AGBL4: variants seen among roughly 807,000 people sequenced by gnomAD.
AGBL4 encodes the protein AGBL carboxypeptidase 4.
In AGBL4, 58 loss-of-function variants were observed where a neutral mutation model predicts 66.4. The ratio of observed to expected loss-of-function variants is 0.87; its 90% CI spans 0.71 to 1.09. AGBL4 has a LOEUF of 1.09. Among genes scored for constraint, AGBL4 ranks in the 50% least tolerant of loss-of-function variants. AGBL4 has a pLI of 0.00. For synonymous variants in AGBL4, 234 were observed against 222.9 expected (o/e 1.05, Z -0.44); for missense variants, 579 against 631.0 (o/e 0.92, Z 0.88).
intron 3 of AGBL4, among the ~76,000 whole-genome samples, chr1:49,560,659 T>C (rs1644016399): frequency 6.6e-6 from 1 of 152,030 alleles, no homozygotes; most frequent in Admixed American, 6.6e-5. Flanking sequence ...AATCAAACTA[T>C]TTAATAAACT....
At chr1:49,729,142 TTTTAAAGAGG>T in intron 2 of AGBL4, among the ~76,000 whole-genome samples, 1 of 152,216 alleles carries the variant, frequency 6.6e-6, no homozygotes. Flanking sequence ...AATCTTTGTC[TTTTAAAGAGG>T]TAGTTTTTCA....
At chr1:49,241,858 C>T (rs1651266736) in intron 4 of AGBL4, among the ~76,000 whole-genome samples, 1 of 152,000 alleles carries the variant, frequency 6.6e-6, no homozygotes, top group African/African-American at 2.4e-5. Context: ...CTTATAACAA[C>T]GCTGGGAGGA....
intron 3 of AGBL4, among the ~76,000 whole-genome samples, chr1:49,652,661 A>G (rs577056397): frequency 6.6e-6 from 1 of 152,274 alleles, no homozygotes; most frequent in East Asian, 1.9e-4. Flanking sequence ...TGCCAGCAAG[A>G]CTGGGCAATT....
At chr1:49,049,316 T>C (rs1353753172) in intron 4 of AGBL4, among the ~76,000 whole-genome samples, 2 of 152,150 alleles carry the variant, frequency 1.3e-5, no homozygotes, top group Admixed American at 6.6e-5. Flanking sequence ...AACAAATCAA[T>C]GTATAACTGA....
intron 3 of AGBL4, among the ~76,000 whole-genome samples, chr1:49,329,794 T>C (rs1448974008): frequency 6.6e-6 from 1 of 152,238 alleles, no homozygotes; most frequent in African/African-American, 2.4e-5. Context: ...TTTCTGAGTT[T>C]GTCATTAACC....
intron 11 of AGBL4, among the ~76,000 whole-genome samples, chr1:48,580,686 A>G (rs1644726457): frequency 6.6e-6 from 1 of 152,176 alleles, no homozygotes; most frequent in African/African-American, 2.4e-5. Flanking sequence ...CTATCTATCT[A>G]TCTATAAAGC....
chr1:48,692,427 G>T (rs1046823212), intron 6 of AGBL4, among the ~76,000 whole-genome samples: 6 of 152,180 alleles, frequency 3.9e-5, no homozygotes, highest in Non-Finnish European at 8.8e-5. Context: ...GAAAGGCTGT[G>T]CGCGCCTGTC....
At chr1:49,901,593 T>C (rs549518588) in intron 1 of AGBL4, among the ~76,000 whole-genome samples, 5 of 152,288 alleles carry the variant, frequency 3.3e-5, no homozygotes, top group African/African-American at 1.2e-4. Flanking sequence ...GGAATCAATA[T>C]GGTTAAAATG....
intron 3 of AGBL4, among the ~76,000 whole-genome samples, chr1:49,279,469 A>C (rs538704171): frequency 6.6e-6 from 1 of 152,312 alleles, no homozygotes; most frequent in East Asian, 1.9e-4. Context: ...TTTTGGAAAC[A>C]AACAGAGAAA....
intron 4 of AGBL4, among the ~76,000 whole-genome samples, chr1:49,086,215 G>C (rs1023777974): frequency 4.6e-5 from 7 of 152,106 alleles, no homozygotes; most frequent in Non-Finnish European, 1.5e-5. Context: ...AGTGGTCTGA[G>C]CCTCTCATTG....
intron 3 of AGBL4, among the ~76,000 whole-genome samples, chr1:49,677,998 C>G (rs531964886): frequency 6.6e-6 from 1 of 152,152 alleles, no homozygotes; most frequent in Admixed American, 6.6e-5. Flanking sequence ...GCACCTAAAG[C>G]TGACTTGGAT....
intron 3 of AGBL4, among the ~76,000 whole-genome samples, chr1:49,312,139 A>G (rs1436287473): frequency 6.6e-6 from 1 of 152,106 alleles, no homozygotes; most frequent in African/African-American, 2.4e-5. Context: ...TTAATCCCCA[A>G]TACCACAGTA....
At chr1:48,835,445 A>G (rs1160053261) in intron 6 of AGBL4, among the ~76,000 whole-genome samples, 1 of 152,152 alleles carries the variant, frequency 6.6e-6, no homozygotes, top group African/African-American at 2.4e-5. Flanking sequence ...ACACTCTGAG[A>G]TGAGTGCTAT....
intron 8 of AGBL4, among the ~76,000 whole-genome samples, chr1:48,645,590 T>C (rs1553200222): frequency 6.6e-6 from 1 of 152,168 alleles, no homozygotes; most frequent in African/African-American, 2.4e-5. Context: ...TCCTACTCCA[T>C]AAATTAATTA....
At chr1:49,748,780 TG>T (rs1651207715) in intron 2 of AGBL4, among the ~76,000 whole-genome samples, 1 of 151,670 alleles carries the variant, frequency 6.6e-6, no homozygotes, top group South Asian at 2.1e-4. Context: ...TTTTTTCACA[TG>T]TTTGTTGGCT....
intron 3 of AGBL4, among the ~76,000 whole-genome samples, chr1:49,618,351 C>CACAGGCAAATTCTACCAGAGGTA (rs1489109438): frequency 3.8e-5 from 5 of 132,128 alleles, no homozygotes; most frequent in Admixed American, 2.3e-4. Context: ...GATGTATAAT[C>CACAGGCAAATTCTACCAGAGGTA]CTTTGGGTAT....
chr1:48,738,612 G>A (rs1649434737), intron 6 of AGBL4, among the ~76,000 whole-genome samples: 1 of 152,180 alleles, frequency 6.6e-6, no homozygotes, highest in East Asian at 1.9e-4. Flanking sequence ...GAAAAACAAG[G>A]AACTTTGAAT....
At chr1:48,567,319 A>T (rs1273430691) in intron 11 of AGBL4, among the ~76,000 whole-genome samples, 3 of 152,162 alleles carry the variant, frequency 2.0e-5, no homozygotes, top group African/African-American at 7.2e-5. Context: ...TCACTTTGAC[A>T]TTCCTGGGGT....
chr1:49,552,109 A>C (rs911597398), intron 3 of AGBL4, among the ~76,000 whole-genome samples: 3 of 151,988 alleles, frequency 2.0e-5, no homozygotes, highest in African/African-American at 7.3e-5. Flanking sequence ...CACAGGCTTC[A>C]CCCAGCTCCC....
Sources: gnomAD v4.1 joint callset for allele counts (sites outside exome capture counted in the v4.1 genomes callset) on GRCh38, gnomAD v4.1.1 for gene constraint, MANE v1.5 for transcripts, NCBI Gene and HGNC (gene_info 2026-07-23, HGNC 2026-07-21) for gene names.